ADGB: variants seen among roughly 807,000 people sequenced by gnomAD.
ADGB encodes calpain-7-like protein.
ADGB carries 172 observed loss-of-function variants against 210.5 expected under a neutral mutation model. That is an observed-to-expected ratio of 0.82 (90% CI 0.72 to 0.93). The LOEUF (loss-of-function observed/expected upper bound fraction) is 0.93. ADGB is among the 40% of genes least tolerant of loss of function. The pLI is 0.00. For missense variants in ADGB, 2,025 were observed against 1,964.8 expected, an observed-to-expected ratio of 1.03 and a Z score of -0.58; for synonymous variants, 658 against 662.7, an observed-to-expected ratio of 0.99 and a Z score of 0.11.
intron 13 of ADGB, among the ~76,000 whole-genome samples, chr6:146,702,010 G>A (rs1776499131): frequency 6.6e-6 from 1 of 151,688 alleles, no homozygotes; most frequent in Admixed American, 6.6e-5. Flanking sequence ...TCTCAACATT[G>A]TGACTACTTG....
rs1775403808 is a variant in ADGB at position 146,635,428 on chromosome 6, G to T, written c.128G>T (p.Gly43Val). Residue 43 changes from glycine to valine, a missense_variant, in exon 2 of 36, where the codon GGG becomes GTG. Physicochemically the swap from Gly to Val is moderately radical, Grantham distance 109. Coordinates refer to ENST00000397944, the MANE Select transcript of ADGB (RefSeq NM_024694.4). ...TCTGGTTCTACTGAACAAAAGAAGG[G>T]GAAATTCCCACTCTGGCCAGAGTGG... ...VQSGSTEQKK[G>V]KFPLWPEWSE... 6.5e-7 allele frequency: 1 copy of T among 1,546,780 alleles called. No homozygotes were observed. Among genetic ancestry groups the T allele is most frequent in the African/African-American group, 1.4e-5 (1 of 72,652 alleles).
rs1199648821 is a variant in ADGB at position 146,724,177 on chromosome 6, A to G, written c.2096-9A>G. ...ATCAAACTTTAATACCTTTTTACTT[A>G]TCTTAAAGCCTTAACAAAAGACAGT... On this transcript the variant is annotated splice_polypyrimidine_tract_variant and intron_variant, in intron 17 of 35. Coordinates refer to ENST00000397944, the MANE Select transcript of ADGB (RefSeq NM_024694.4). 2.1e-5 allele frequency: 32 copies of G among 1,542,368 alleles called. No individual in the cohort carries two copies. Among genetic ancestry groups the G allele is most frequent in the Non-Finnish European group, 2.6e-5 (30 of 1,144,258 alleles).
At chr6:146,616,315 A>G (rs1780799063) in intron 1 of ADGB, among the ~76,000 whole-genome samples, 1 of 148,810 alleles carries the variant, frequency 6.7e-6, no homozygotes, top group African/African-American at 2.5e-5. Context: ...TATATATTCT[A>G]GTTATTAATG....
At chr6:146,612,116 C>T (rs1355564439) in intron 1 of ADGB, among the ~76,000 whole-genome samples, 2 of 152,118 alleles carry the variant, frequency 1.3e-5, no homozygotes, top group Non-Finnish European at 2.9e-5. Context: ...AATCTGGCCT[C>T]TTTTACCTTT....
intron 29 of ADGB, among the ~76,000 whole-genome samples, chr6:146,772,257 G>C (rs1777661924): frequency 6.6e-6 from 1 of 151,826 alleles, no homozygotes; most frequent in South Asian, 2.1e-4. Context: ...AGAGGTATTT[G>C]TGAAAAAATT....
chr6:146,761,169 A>G (rs1019550279), intron 27 of ADGB, among the ~76,000 whole-genome samples: 2 of 152,006 alleles, frequency 1.3e-5, no homozygotes, highest in African/African-American at 4.8e-5. Flanking sequence ...TACCTAATCT[A>G]GGATCATGAA....
chr6:146,689,932 T>G (rs1001972026), intron 10 of ADGB, among the ~76,000 whole-genome samples: 3 of 152,172 alleles, frequency 2.0e-5, no homozygotes, highest in Non-Finnish European at 4.4e-5. Flanking sequence ...GTTAAGTTGC[T>G]AAAATATACC....
rs76646285 is a variant in ADGB at position 146,696,055 on chromosome 6, T to A, written c.1577+3140T>A. Among the ~76,000 whole-genome samples, 583 of 152,160 alleles carry A rather than the reference T, an allele frequency of 3.8e-3. 19 individuals are homozygous for A. The East Asian group carries it at 0.071, about 19-fold the overall frequency. On this transcript the variant is annotated intron_variant, in intron 12 of 35. Transcript: ENST00000397944. ...TTATACAAAAGCAATATTTCTTAAG[T>A]TCCCTTTTATAGTAAGAAATACTTT... is the stretch of plus-strand genomic sequence containing the variant.
At chr6:146,753,353 G>A (rs1041246953) in intron 27 of ADGB, among the ~76,000 whole-genome samples, 8 of 151,924 alleles carry the variant, frequency 5.3e-5, no homozygotes, top group Middle Eastern at 3.2e-3. Flanking sequence ...TTCATTCTCC[G>A]TTTTTGCACT....
chr6:146,776,429 T>A (rs1777723356), intron 29 of ADGB, among the ~76,000 whole-genome samples: 1 of 152,098 alleles, frequency 6.6e-6, no homozygotes, highest in African/African-American at 2.4e-5. Flanking sequence ...AGGCATATAA[T>A]GATGTTCTGG....
chr6:146,803,723 C>T, intron 35 of ADGB: 1 of 977,494 alleles, frequency 1.0e-6, no homozygotes, highest in African/African-American at 1.6e-5. Context: ...CTCTTAAGTA[C>T]CGGCGCCTCA....
In ADGB at chr6:146,612,099, G is replaced by A. The variant is rs73588045; in HGVS notation, c.74+12985G>A. ...TGCCTTCAGGGAAACATAAGGCACTGCAGCCCAATCTGGCCTCTTTTACCT... is the reference window on the plus strand; with the variant it reads ...TGCCTTCAGGGAAACATAAGGCACTACAGCCCAATCTGGCCTCTTTTACCT... On this transcript the variant is annotated intron_variant, in intron 1 of 35. Transcript: ENST00000397944. Among the ~76,000 whole-genome samples, 901 of 152,178 alleles carry A rather than the reference G, an allele frequency of 5.9e-3. 9 individuals are homozygous for A. Among genetic ancestry groups the A allele is most frequent in the African/African-American group, 0.02 (823 of 41,526 alleles).
At chr6:146,709,695 T>G (rs532337105) in intron 13 of ADGB, among the ~76,000 whole-genome samples, 8 of 152,330 alleles carry the variant, frequency 5.3e-5, no homozygotes, top group Non-Finnish European at 8.8e-5. Context: ...GGATCTACTT[T>G]ACTGCTTTAC....
At chr6:146,608,719 C>A (rs1780664366) in intron 1 of ADGB, among the ~76,000 whole-genome samples, 1 of 152,076 alleles carries the variant, frequency 6.6e-6, no homozygotes, top group African/African-American at 2.4e-5. Flanking sequence ...CCTTATAACA[C>A]TGTGGTCCAA....
chr6:146,691,186 G>C lies in ADGB; in HGVS notation c.1382G>C (p.Arg461Thr). The C allele has an allele frequency of 6.5e-7, 1 of 1,549,622 alleles. No homozygotes were observed. The highest frequency in any genetic ancestry group is 1.2e-5 in the South Asian group (1 of 83,924). ...TGTAGCCATCCTGTGCTGGTGACTA[G>C]AAGTAGGTCTTGTCCTCTGGTAGCA... ...HICSHPVLVT[R>T]SRSCPLVAPP... The change falls in exon 11 of 36, where the codon AGA (arginine) becomes ACA (threonine). Residue 461 changes from arginine to threonine, a missense_variant. Physicochemically the swap from Arg to Thr is moderately conservative, Grantham distance 71. Coordinates refer to ENST00000397944, the MANE Select transcript of ADGB (RefSeq NM_024694.4).
intron 26 of ADGB, among the ~76,000 whole-genome samples, chr6:146,750,067 A>G (rs981065295): frequency 6.6e-6 from 1 of 152,250 alleles, no homozygotes; most frequent in Non-Finnish European, 1.5e-5. Context: ...TGGTAAGATA[A>G]GGAGAGTTGT....
rs768308057 is a variant in ADGB, at chr6:146,745,958, G to A, written c.3214G>A (p.Asp1072Asn). Residue 1072 changes from aspartate (D) to asparagine (N), a missense_variant, in exon 26 of 36, where the codon GAC becomes AAC. Coordinates refer to ENST00000397944, the MANE Select transcript of ADGB (RefSeq NM_024694.4). Reference protein sequence around the residue: ...YTFVAEAFTGDTYVAASRWKL... With the variant: ...YTFVAEAFTGNTYVAASRWKL... ...TTTTGTGGCGGAAGCATTTACAGGC[G>A]ACACATATGTAGCAGCCTCACGATG... The A allele has an allele frequency of 2.3e-5, 35 of 1,549,726 alleles. No individual in the cohort carries two copies. In the East Asian group the frequency reaches 3.7e-4, roughly 16 times the overall value.
intron 35 of ADGB, among the ~76,000 whole-genome samples, chr6:146,813,530 A>T (rs1231114356): frequency 6.6e-6 from 1 of 152,098 alleles, no homozygotes; most frequent in East Asian, 1.9e-4. Context: ...CTATGCTTTC[A>T]TTTTTGATTG....
At chr6:146,630,408 A>G (rs1781046709) in intron 1 of ADGB, among the ~76,000 whole-genome samples, 1 of 151,922 alleles carries the variant, frequency 6.6e-6, no homozygotes, top group African/African-American at 2.4e-5. Context: ...GAATACAAAT[A>G]CTTATAAATA....
Sources: allele counts gnomAD v4.1 joint callset (sites outside exome capture counted in the v4.1 genomes callset), GRCh38; gene constraint gnomAD v4.1.1; transcripts MANE v1.5; gene names NCBI Gene and HGNC (gene_info 2026-07-23, HGNC 2026-07-21).